Variants in PCMT1 observed in about 807,000 individuals in gnomAD.
PCMT1 encodes the protein protein-L-isoaspartate(D-aspartate) O-methyltransferase.
A neutral mutation model predicts 29.2 loss-of-function variants in PCMT1; 9 were observed. The ratio of observed to expected loss-of-function variants is 0.31; its 90% CI spans 0.19 to 0.54. The LOEUF (loss-of-function observed/expected upper bound fraction) is 0.54, where lower values mean the gene tolerates loss of function less well. Ranked by LOEUF, PCMT1 falls within the 20% of genes least tolerant of loss-of-function variation. The pLI, the probability that PCMT1 is intolerant of heterozygous loss-of-function variation, is 0.95. For synonymous variants in PCMT1, 98 were observed against 97.5 expected, an observed-to-expected ratio of 1.00 and a Z score of -0.03; for missense variants, 184 against 282.2, an observed-to-expected ratio of 0.65 and a Z score of 2.49.
At chr6:149,751,604 C>T (rs1344110203) in intron 1 of PCMT1, among the ~76,000 whole-genome samples, 1 of 151,468 alleles carries the variant, frequency 6.6e-6, no homozygotes, top group African/African-American at 2.4e-5. Context: ...GTCTCAGCCT[C>T]CTGAGTGGCT....
chr6:149,805,487 G>A (rs542633433), intron 7 of PCMT1, among the ~76,000 whole-genome samples: 12 of 151,920 alleles, frequency 7.9e-5, no homozygotes, highest in African/African-American at 1.5e-4. Context: ...CCAGCTACTC[G>A]GGAGGCTGAA....
chr6:149,763,135 TGA>T (rs1786907376), intron 1 of PCMT1, among the ~76,000 whole-genome samples: 1 of 59,642 alleles, frequency 1.7e-5, no homozygotes, highest in South Asian at 4.8e-4. Flanking sequence ...ATGATATATA[TGA>T]TATATATATC....
intron 1 of PCMT1, among the ~76,000 whole-genome samples, chr6:149,753,922 G>A (rs140875109): frequency 1.3e-5 from 2 of 152,100 alleles, no homozygotes; most frequent in Non-Finnish European, 2.9e-5. Flanking sequence ...ACAGATTGCC[G>A]GAGCTTGAGA....
rs762800747 is a variant in PCMT1 at position 149,805,580 on chromosome 6, C to G, written c.*37+3164C>G. Reference sequence around the variant, plus strand: ...TTGCACTCCAGCCTGGGCAACAGAGCGAGACTCCGTCTCAAAAAATGTATA... The same window carrying G: ...TTGCACTCCAGCCTGGGCAACAGAGGGAGACTCCGTCTCAAAAAATGTATA... On this transcript the variant is annotated intron_variant, in intron 7 of 7. Transcript: ENST00000464889. Among the ~76,000 whole-genome samples the G allele has an allele frequency of 3.8e-4, 57 of 151,450 alleles. 1 individual carries two copies. In the East Asian group the frequency reaches 9.3e-3, roughly 25 times the overall value.
At chr6:149,798,585 C>T (rs879930335) in intron 6 of PCMT1, among the ~76,000 whole-genome samples, 1 of 152,132 alleles carries the variant, frequency 6.6e-6, no homozygotes, top group African/African-American at 2.4e-5. Context: ...TTTTGGATAT[C>T]ACCCCAAGAT....
At chr6:149,751,907 C>T (rs1786335767) in intron 1 of PCMT1, among the ~76,000 whole-genome samples, 2 of 151,522 alleles carry the variant, frequency 1.3e-5, no homozygotes, top group South Asian at 4.2e-4. Flanking sequence ...CAGGGTTTCA[C>T]TGTCACCCAG....
At chr6:149,795,457 AC>A in intron 5 of PCMT1, 1 of 404,680 alleles carries the variant, frequency 2.5e-6, no homozygotes. Context: ...AACAAATAGC[AC>A]CAATAGTGAG....
rs112593511 is a variant in PCMT1 at position 149,752,036 on chromosome 6, G to GGTTT, written c.55+2080_55+2081insGTTT. Among the ~76,000 whole-genome samples, 3 of 122,802 alleles carry GGTTT rather than the reference G, an allele frequency of 2.4e-5. No individual in the cohort carries two copies. The East Asian group carries it at 7.8e-4, about 32-fold the overall frequency. The allele number at this position is 122,802 out of a possible 152,430, so 80.6% of individuals were successfully genotyped here. A position where few individuals can be genotyped will look rare whatever the true frequency, so the allele number is the denominator to read the frequency against. On this transcript the variant is annotated intron_variant, in intron 1 of 7. Transcript: ENST00000464889. ...CCACCATACCAGGCTAATTTTTAGG[G>GGTTT]TTTTTTTTTTTTTTTTGGTAGTTTA... is the stretch of plus-strand genomic sequence containing the variant.
chr6:149,761,801 A>G (rs1562397661), intron 1 of PCMT1, among the ~76,000 whole-genome samples: 2 of 152,206 alleles, frequency 1.3e-5, no homozygotes, highest in African/African-American at 2.4e-5. Context: ...GTCAAAGTTG[A>G]TAACATTTAC....
chr6:149,763,698 T>G (rs1185441121), intron 1 of PCMT1, among the ~76,000 whole-genome samples: 16 of 152,172 alleles, frequency 1.1e-4, no homozygotes, highest in Admixed American at 1.0e-3. Flanking sequence ...ATGTCACACT[T>G]TAAGTATCCA....
intron 3 of PCMT1, among the ~76,000 whole-genome samples, chr6:149,786,500 G>C (rs1197744793): frequency 7.9e-6 from 1 of 127,134 alleles, no homozygotes; most frequent in Non-Finnish European, 1.6e-5. Flanking sequence ...CAGGCGGAGG[G>C]GCTCCTCACT....
chr6:149,760,421 C>G (rs1786687419), intron 1 of PCMT1, among the ~76,000 whole-genome samples: 1 of 152,182 alleles, frequency 6.6e-6, no homozygotes. Flanking sequence ...TTCCATGGTG[C>G]TGAAGACCTA....
rs912781429 is a variant in PCMT1 at position 149,773,270 on chromosome 6, A to G, written c.192+101A>G. On this transcript the variant is annotated intron_variant, in intron 3 of 7. Transcript: ENST00000464889. ...TTAAAGAAAGTTGTATCAATTTATC[A>G]TCTATGAGTTATGTGAATTGGTAAT... 1.5e-5 allele frequency: 14 copies of G among 917,186 alleles called. No homozygotes were observed. The African/African-American group carries it at 2.4e-4, about 15-fold the overall frequency. 56.8% of individuals were successfully genotyped at this position (917,186 alleles called of 1,614,324 possible). A position where few individuals can be genotyped will look rare whatever the true frequency, so the allele number is the denominator to read the frequency against.
intron 7 of PCMT1, among the ~76,000 whole-genome samples, chr6:149,806,464 G>A (rs1255969526): frequency 6.6e-6 from 1 of 152,112 alleles, no homozygotes; most frequent in African/African-American, 2.4e-5. Context: ...AGAAGTGGGT[G>A]GATAGCTACA....
chr6:149,786,818 C>A (rs1419702874), intron 3 of PCMT1, among the ~76,000 whole-genome samples: 1 of 149,894 alleles, frequency 6.7e-6, no homozygotes, highest in Non-Finnish European at 1.5e-5. Flanking sequence ...AGAGGCGCTC[C>A]TCACTTCCTA....
intron 2 of PCMT1, among the ~76,000 whole-genome samples, chr6:149,771,637 C>G (rs554482078): frequency 3.9e-5 from 6 of 152,172 alleles, no homozygotes; most frequent in South Asian, 2.1e-4. Flanking sequence ...CTGCCTTAAC[C>G]TCCCGAGTAG....
Position 149,810,957 on chromosome 6 carries a change from CT to C in PCMT1, c.*381del. 4.3e-6 allele frequency: 1 copy of C among 233,732 alleles called. No homozygotes were observed. Among genetic ancestry groups the C allele is most frequent in the Non-Finnish European group, 8.2e-6 (1 of 121,402 alleles). The allele number at this position is 233,732 out of a possible 1,614,324, so 14.5% of individuals were successfully genotyped here. ...GGAGTGGTTTTTCTTTTCTTGGACA[CT>C]TAATTCTGTTCTGATATTAATTTAT... On this transcript the variant is annotated 3_prime_UTR_variant, in exon 8 of 8. Transcript: ENST00000464889.
chr6:149,753,639 TTTTTGTTTTG>T (rs1000448708), intron 1 of PCMT1, among the ~76,000 whole-genome samples: 2 of 152,214 alleles, frequency 1.3e-5, no homozygotes, highest in Admixed American at 6.5e-5. Flanking sequence ...CCAATAGTTT[TTTTTGTTTTG>T]TTTTGTTTTG....
At chr6:149,795,669 C>A in intron 5 of PCMT1, 1 of 386,262 alleles carries the variant, frequency 2.6e-6, no homozygotes, top group South Asian at 2.5e-5. Context: ...TACCTGTTGT[C>A]CTGATGGCAT....
Sources: gnomAD v4.1 joint callset for allele counts (sites outside exome capture counted in the v4.1 genomes callset) on GRCh38, gnomAD v4.1.1 for gene constraint, MANE v1.5 for transcripts, NCBI Gene and HGNC (gene_info 2026-07-23, HGNC 2026-07-21) for gene names.